The following RNLS variants were observed in gnomAD, a reference collection of about 807,000 sequenced individuals.
RNLS encodes the protein renalase, FAD dependent amine oxidase.
Under a neutral mutation model 39.8 loss-of-function variants are expected in RNLS, and 39 were observed. The ratio of observed to expected loss-of-function variants is 0.98; its 90% CI spans 0.76 to 1.28. RNLS has a LOEUF of 1.28. Ranked by LOEUF, RNLS falls within the 50% of genes most tolerant of loss-of-function variation. The pLI, the probability that RNLS is intolerant of heterozygous loss-of-function variation, is 0.00. For synonymous variants in RNLS, 147 were observed against 150.7 expected, an observed-to-expected ratio of 0.98 and a Z score of 0.18; for missense variants, 410 against 413.3, an observed-to-expected ratio of 0.99 and a Z score of 0.07.
intron 4 of RNLS, among the ~76,000 whole-genome samples, chr10:88,507,137 A>C (rs1228874815): frequency 6.6e-6 from 1 of 152,182 alleles, no homozygotes; most frequent in Admixed American, 6.6e-5. Flanking sequence ...CCAATGGCCA[A>C]GTTGCATGAA....
At chr10:88,572,016 C>G (rs998180487) in intron 4 of RNLS, among the ~76,000 whole-genome samples, 1 of 152,148 alleles carries the variant, frequency 6.6e-6, no homozygotes, top group Non-Finnish European at 1.5e-5. Context: ...GTGGATTTAT[C>G]ACAAGTTTCT....
chr10:88,202,309 G>T, the RNLS span, among the ~76,000 whole-genome samples: 1 of 104,904 alleles, frequency 9.5e-6, no homozygotes, highest in African/African-American at 3.7e-5. Context: ...GGGGTGGGGG[G>T]AGGGGGGAGG....
chr10:88,281,329 C>T (rs969192628), downstream of RNLS, among the ~76,000 whole-genome samples: 8 of 152,210 alleles, frequency 5.3e-5, no homozygotes, highest in East Asian at 3.9e-4. Context: ...TTGACTGAGG[C>T]GTCTCTGTAT....
Position 88,285,014 on chromosome 10 carries a change from A to G in RNLS, c.*340T>C, listed in dbSNP as rs1211319444. ...ATTCAGAATTGAAATTTTCATAAGG[A>G]TAATCAAGTTTTTGGCACACAAACT... On this transcript the variant is annotated 3_prime_UTR_variant, in exon 7 of 7. Coordinates refer to ENST00000331772, the MANE Select transcript of RNLS (RefSeq NM_001031709.3). The G allele has an allele frequency of 2.0e-6, 2 of 1,005,000 alleles. No individual in the cohort carries two copies. Among genetic ancestry groups the G allele is most frequent in the Admixed American group, 5.9e-5 (1 of 17,044 alleles). 62.3% of individuals were successfully genotyped at this position (1,005,000 alleles called of 1,614,324 possible).
At chr10:88,267,651 T>C in the RNLS span, among the ~76,000 whole-genome samples, 4 of 152,282 alleles carry the variant, frequency 2.6e-5, no homozygotes, top group South Asian at 6.2e-4. Flanking sequence ...CACCAATACA[T>C]ACTTTAAGTC....
rs138288975 is a variant in RNLS at position 88,471,086 on chromosome 10, G to A, written c.526+101817C>T. 1.4e-3 allele frequency among the ~76,000 whole-genome samples: 218 copies of A among 152,114 alleles called. 1 individual carries two copies. Among genetic ancestry groups the A allele is most frequent in the Middle Eastern group, 3.4e-3 (1 of 294 alleles). ...TCTAGGTACCTCAATGTTTGTCTAA[G>A]TAAAGGTAACCTACCTACAAGGAAG... On this transcript the variant is annotated intron_variant, in intron 4 of 6. Coordinates refer to ENST00000331772, the MANE Select transcript of RNLS (RefSeq NM_001031709.3).
At chr10:88,203,196 TC>T in the RNLS span, among the ~76,000 whole-genome samples, 1 of 144,324 alleles carries the variant, frequency 6.9e-6, no homozygotes, top group African/African-American at 2.6e-5. Flanking sequence ...CAGTTAAAAC[TC>T]CAAGATGAAT....
intron 4 of RNLS, among the ~76,000 whole-genome samples, chr10:88,551,148 T>C (rs953129458): frequency 1.3e-4 from 20 of 152,164 alleles, no homozygotes; most frequent in African/African-American, 4.6e-4. Context: ...TCGTGCCTGA[T>C]GTCCCCAGGC....
intron 4 of RNLS, among the ~76,000 whole-genome samples, chr10:88,440,140 G>A (rs1282600560): frequency 1.3e-5 from 2 of 152,158 alleles, no homozygotes; most frequent in Non-Finnish European, 2.9e-5. Context: ...TCTCTGAAGT[G>A]TACTCAACAA....
intron 4 of RNLS, among the ~76,000 whole-genome samples, chr10:88,557,122 A>G (rs1350594526): frequency 6.6e-6 from 1 of 152,198 alleles, no homozygotes; most frequent in Non-Finnish European, 1.5e-5. Context: ...CTGAATTTTA[A>G]TTTCTCTTCT....
intron 5 of RNLS, among the ~76,000 whole-genome samples, chr10:88,345,604 G>C (rs143319991): frequency 6.6e-6 from 1 of 152,186 alleles, no homozygotes; most frequent in South Asian, 2.1e-4. Context: ...AAAATAATTT[G>C]TATGTGACAA....
At chr10:88,194,014 C>G in the RNLS span, among the ~76,000 whole-genome samples, 1 of 152,176 alleles carries the variant, frequency 6.6e-6, no homozygotes, top group African/African-American at 2.4e-5. Flanking sequence ...TTTTTCTAAG[C>G]TTACTAAATA....
chr10:88,218,114 A>G, the RNLS span, among the ~76,000 whole-genome samples: 1 of 152,248 alleles, frequency 6.6e-6, no homozygotes, highest in East Asian at 1.9e-4. Context: ...TTAGCCCCAG[A>G]AAGCTGGGCT....
chr10:88,469,063 C>A lies in RNLS; in HGVS notation c.526+103840G>T, dbSNP rs561058976. ...AAAATGTGAGAGTGGATATATGGTA[C>A]ATATATACCATATTTATTTTATAAA... is the stretch of plus-strand genomic sequence containing the variant. On this transcript the variant is annotated intron_variant, in intron 4 of 6. Transcript: ENST00000331772. 5.9e-5 allele frequency among the ~76,000 whole-genome samples: 9 copies of A among 152,118 alleles called. No homozygotes were observed. In the South Asian group the frequency reaches 1.9e-3, roughly 32 times the overall value.
At chr10:88,285,718 T>C (rs1843219513) in intron 6 of RNLS, among the ~76,000 whole-genome samples, 1 of 152,090 alleles carries the variant, frequency 6.6e-6, no homozygotes, top group African/African-American at 2.4e-5. Context: ...TTTATATTTA[T>C]ATTCTTAAAT....
the RNLS span, among the ~76,000 whole-genome samples, chr10:88,251,329 G>A: frequency 6.6e-6 from 1 of 152,250 alleles, no homozygotes. Context: ...GTGCATGAAT[G>A]TGTACATAAA....
At chr10:88,342,982 C>T (rs1008516998) in intron 5 of RNLS, among the ~76,000 whole-genome samples, 2 of 152,176 alleles carry the variant, frequency 1.3e-5, no homozygotes, top group African/African-American at 4.8e-5. Flanking sequence ...ATTTGAGTAG[C>T]TGCAACAGAC....
chr10:88,396,817 A>C (rs905843188), intron 4 of RNLS, among the ~76,000 whole-genome samples: 4 of 151,842 alleles, frequency 2.6e-5, no homozygotes, highest in Non-Finnish European at 5.9e-5. Flanking sequence ...AAAAACTAAA[A>C]TAGAACTAGA....
At chr10:88,377,889 A>G (rs1305263508) in intron 4 of RNLS, among the ~76,000 whole-genome samples, 1 of 152,190 alleles carries the variant, frequency 6.6e-6, no homozygotes, top group Non-Finnish European at 1.5e-5. Context: ...TCTCTTTTGT[A>G]ATAACACTTA....
Sources: allele counts gnomAD v4.1 joint callset (sites outside exome capture counted in the v4.1 genomes callset), GRCh38; gene constraint gnomAD v4.1.1; transcripts MANE v1.5; gene names NCBI Gene and HGNC (gene_info 2026-07-23, HGNC 2026-07-21).